Variants in TESK2 observed in about 807,000 individuals in gnomAD.
The protein encoded by TESK2 is dual specificity testis-specific protein kinase 2.
TESK2 carries 39 observed loss-of-function variants against 57.1 expected under a neutral mutation model. The ratio of observed to expected loss-of-function variants is 0.68; its 90% CI spans 0.53 to 0.89. The LOEUF (loss-of-function observed/expected upper bound fraction) is 0.89. Among genes scored for constraint, TESK2 ranks in the 40% least tolerant of loss-of-function variants. The pLI, the probability that TESK2 is intolerant of heterozygous loss-of-function variation, is 0.00. For synonymous variants in TESK2, 249 were observed against 267.9 expected (o/e 0.93, Z 0.69); for missense variants, 646 against 732.1 (o/e 0.88, Z 1.36).
chr1:45,373,117 A>G (rs1159762667), intron 4 of TESK2, among the ~76,000 whole-genome samples: 4 of 152,132 alleles, frequency 2.6e-5, no homozygotes, highest in Non-Finnish European at 5.9e-5. Flanking sequence ...GCTGAACTAT[A>G]TATTTAAAAA....
At chr1:45,394,396 C>T (rs1483904409) in intron 3 of TESK2, among the ~76,000 whole-genome samples, 1 of 150,352 alleles carries the variant, frequency 6.7e-6, no homozygotes, top group Non-Finnish European at 1.5e-5. Context: ...AGTTCCTGGC[C>T]TCAAGTGATC....
chr1:45,436,470 T>G (rs1297895021), intron 2 of TESK2, among the ~76,000 whole-genome samples: 5 of 127,970 alleles, frequency 3.9e-5, no homozygotes, highest in Non-Finnish European at 6.5e-5. Flanking sequence ...TGAGCCACCG[T>G]GCCTGGCCTT....
chr1:45,461,945 C>G (rs534535082), intron 1 of TESK2, among the ~76,000 whole-genome samples: 1 of 152,132 alleles, frequency 6.6e-6, no homozygotes, highest in Non-Finnish European at 1.5e-5. Flanking sequence ...TCCAATCGTA[C>G]TCTCCCAGTT....
chr1:45,453,874 C>G (rs560317720), intron 2 of TESK2, among the ~76,000 whole-genome samples: 2 of 152,052 alleles, frequency 1.3e-5, no homozygotes, highest in Non-Finnish European at 2.9e-5. Flanking sequence ...ATACACATTT[C>G]TCCAAGAAGA....
chr1:45,345,179 A>T lies in TESK2; in HGVS notation c.1377T>A (p.Gly459=). The change falls in exon 11 of 11, where the codon GGT becomes GGA. Residue 459 remains glycine (G), a synonymous_variant. Coordinates refer to ENST00000372086, the MANE Select transcript of TESK2 (RefSeq NM_007170.3). ...PPIRRWRSLP[G]SPEFLHQEAC... ...CCTCTTGATGCAAGAACTCAGGCGA[A>T]CCAGGCAAGGAACGCCACCGGCGAA... is the stretch of plus-strand genomic sequence containing the variant. The T allele has an allele frequency of 6.2e-7, 1 of 1,614,162 alleles. No individual in the cohort carries two copies. The highest frequency in any genetic ancestry group is 8.5e-7 in the Non-Finnish European group (1 of 1,180,024).
chr1:45,381,684 C>T (rs1429664119), intron 4 of TESK2, among the ~76,000 whole-genome samples: 2 of 151,858 alleles, frequency 1.3e-5, no homozygotes, highest in East Asian at 1.9e-4. Context: ...GAGAAATAAA[C>T]GTTTATTGTA....
At chr1:45,405,420 C>A (rs1649797900) in intron 3 of TESK2, among the ~76,000 whole-genome samples, 1 of 151,958 alleles carries the variant, frequency 6.6e-6, no homozygotes, top group African/African-American at 2.4e-5. Context: ...TAAAAATTGA[C>A]AAACAAAAAA....
chr1:45,422,790 G>A (rs1463409589), intron 2 of TESK2, among the ~76,000 whole-genome samples: 1 of 16,688 alleles, frequency 6.0e-5, no homozygotes, highest in Non-Finnish European at 2.4e-4. Context: ...TTTGTTTTGA[G>A]ACAGAGTCTT....
In TESK2 at chr1:45,385,481, A is replaced by G. The variant is rs556158152; in HGVS notation, c.393+431T>C. Reference sequence around the variant, plus strand: ...CTAGATCAGGACAGCAAACATTACCAGGTGGTCTGGTAATTTGTTGCCATA... The same window carrying G: ...CTAGATCAGGACAGCAAACATTACCGGGTGGTCTGGTAATTTGTTGCCATA... On this transcript the variant is annotated intron_variant, in intron 4 of 10. Coordinates refer to ENST00000372086, the MANE Select transcript of TESK2 (RefSeq NM_007170.3). The G allele has an allele frequency of 1.1e-4, 33 of 302,794 alleles. 2 individuals carry two copies. The South Asian group carries it at 4.1e-3, about 38-fold the overall frequency. 18.8% of individuals were successfully genotyped at this position (302,794 alleles called of 1,614,324 possible). A position where few individuals can be genotyped will look rare whatever the true frequency, so the allele number is the denominator to read the frequency against.
chr1:45,398,983 GAAAA>G (rs372886401), intron 3 of TESK2: 713 of 234,842 alleles, frequency 3.0e-3, no homozygotes, highest in Admixed American at 6.0e-3. Context: ...ACTAGGACCT[GAAAA>G]AAAAAAAAAA....
chr1:45,349,230 C>A (rs1357366406), intron 5 of TESK2, among the ~76,000 whole-genome samples: 2 of 151,982 alleles, frequency 1.3e-5, no homozygotes, highest in African/African-American at 4.8e-5. Context: ...CTGGCCTTGA[C>A]ATGATTACAC....
At chr1:45,356,640 A>G (rs985132166) in intron 4 of TESK2, among the ~76,000 whole-genome samples, 1 of 149,784 alleles carries the variant, frequency 6.7e-6, no homozygotes, top group East Asian at 2.0e-4. Flanking sequence ...AAAAAAAGAT[A>G]GTGAGTTCAG....
intron 2 of TESK2, among the ~76,000 whole-genome samples, chr1:45,428,489 A>T (rs1354466627): frequency 6.6e-6 from 1 of 152,080 alleles, no homozygotes; most frequent in Non-Finnish European, 1.5e-5. Flanking sequence ...GGCAAATGTG[A>T]CAAATCTATG....
rs535706991 is a variant in TESK2, at chr1:45,480,920, G to A, written c.-87+9932C>T. On this transcript the variant is annotated intron_variant, in intron 1 of 10. Coordinates refer to ENST00000372086, the MANE Select transcript of TESK2 (RefSeq NM_007170.3). ...GGAGAATCACTTGAACCCGGGAAAT[G>A]GAGGTTGCAGTGAGCTGAGATCGCA... Among the ~76,000 whole-genome samples the A allele has an allele frequency of 1.4e-3, 206 of 151,864 alleles. 1 individual carries two copies. Among genetic ancestry groups the A allele is most frequent in the African/African-American group, 4.8e-3 (197 of 41,438 alleles).
chr1:45,358,115 C>T (rs769050250), intron 4 of TESK2, among the ~76,000 whole-genome samples: 7 of 151,412 alleles, frequency 4.6e-5, no homozygotes, highest in South Asian at 2.1e-4. Flanking sequence ...AGATCGAGAC[C>T]GTCCTAGCTA....
Position 45,427,218 on chromosome 1 carries a change from C to CAGCAACAG in TESK2, c.223-5373_223-5372insCTGTTGCT, listed in dbSNP as rs541253788. On this transcript the variant is annotated intron_variant, in intron 2 of 10. Transcript: ENST00000372086. ...AGATCACGCCACTGCACTTCAGCCT[C>CAGCAACAG]AGCAAGACTCTGTCTCAAAAAAAAA... Among the ~76,000 whole-genome samples the CAGCAACAG allele has an allele frequency of 3.4e-3, 463 of 137,920 alleles. 5 individuals are homozygous for CAGCAACAG. Among genetic ancestry groups the CAGCAACAG allele is most frequent in the East Asian group, 0.031 (144 of 4,652 alleles). The allele number at this position is 137,920 out of a possible 152,430, so 90.5% of individuals were successfully genotyped here. A position where few individuals can be genotyped will look rare whatever the true frequency, so the allele number is the denominator to read the frequency against.
intron 1 of TESK2, among the ~76,000 whole-genome samples, chr1:45,458,799 C>T (rs1432511182): frequency 6.6e-6 from 1 of 152,034 alleles, no homozygotes; most frequent in South Asian, 2.1e-4. Context: ...AAAGCACAGT[C>T]CAGTAGAAGT....
intron 7 of TESK2, among the ~76,000 whole-genome samples, chr1:45,347,306 C>T (rs1253004705): frequency 6.6e-6 from 1 of 152,140 alleles, no homozygotes; most frequent in African/African-American, 2.4e-5. Context: ...TGGCTCATGC[C>T]TGTAATCCCA....
At chr1:45,480,942 C>T (rs555923290) in intron 1 of TESK2, among the ~76,000 whole-genome samples, 37 of 150,942 alleles carry the variant, frequency 2.5e-4, no homozygotes, top group South Asian at 1.7e-3. Flanking sequence ...GAGCTGAGAT[C>T]GCACCACTGC....
Sources: allele counts gnomAD v4.1 joint callset (sites outside exome capture counted in the v4.1 genomes callset), GRCh38; gene constraint gnomAD v4.1.1; transcripts MANE v1.5; gene names NCBI Gene and HGNC (gene_info 2026-07-23, HGNC 2026-07-21).